The following SLF1 variants were observed in gnomAD, a reference collection of about 807,000 sequenced individuals.
SLF1 encodes SMC5/6 complex localization factor 1, also known as SMC5-SMC6 complex localization factor protein 1.
In SLF1, 105 loss-of-function variants were observed where a neutral mutation model predicts 123.0. That is an observed-to-expected ratio of 0.85 (90% CI 0.73 to 1.00). The LOEUF (loss-of-function observed/expected upper bound fraction) is 1.00. Among genes scored for constraint, SLF1 ranks in the 50% least tolerant of loss-of-function variants. The probability of loss-of-function intolerance (pLI) is 0.00; values close to 1 mark genes in which losing one functional copy is unlikely to be tolerated. For missense variants in SLF1, 1,239 were observed against 1,223.0 expected, an observed-to-expected ratio of 1.01 and a Z score of -0.20; for synonymous variants, 434 against 406.6, an observed-to-expected ratio of 1.07 and a Z score of -0.81.
Position 94,669,916 on chromosome 5 carries a change from A to G in SLF1, c.1533-235A>G, listed in dbSNP as rs1750245526. On this transcript the variant is annotated intron_variant, in intron 12 of 20. Transcript: ENST00000265140. Reference sequence around the variant, plus strand: ...TACCTGCTAGTCATTAAATATTATAATAACTTGAAAAATTGAGAAATTAGA... The same window carrying G: ...TACCTGCTAGTCATTAAATATTATAGTAACTTGAAAAATTGAGAAATTAGA... Among the ~76,000 whole-genome samples the G allele has an allele frequency of 1.3e-5, 2 of 152,100 alleles. 1 individual carries two copies. Among genetic ancestry groups the G allele is most frequent in the South Asian group, 4.1e-4 (2 of 4,830 alleles).
rs189542208 is a variant in SLF1 at position 94,625,134 on chromosome 5, A to G, written c.1-3677A>G. Among the ~76,000 whole-genome samples, 714 of 150,926 alleles carry G rather than the reference A, an allele frequency of 4.7e-3. 4 individuals carry two copies. Among genetic ancestry groups the G allele is most frequent in the African/African-American group, 0.017 (690 of 41,142 alleles). The stretch of plus-strand genomic sequence containing the variant: ...CGTGAACCCGGGAGGCGGAGCTTGC[A>G]GTGAGCTGAGATTGTGCCACTGTAC... On this transcript the variant is annotated intron_variant, in intron 1 of 20. Transcript: ENST00000265140.
chr5:94,625,788 T>C (rs910963571), intron 1 of SLF1, among the ~76,000 whole-genome samples: 2 of 152,184 alleles, frequency 1.3e-5, no homozygotes, highest in South Asian at 4.1e-4. Flanking sequence ...TGTTTTATAA[T>C]CCAAATGTGG....
At chr5:94,666,549 TTC>T (rs1365187552) in intron 12 of SLF1, among the ~76,000 whole-genome samples, 2 of 152,204 alleles carry the variant, frequency 1.3e-5, no homozygotes, top group Non-Finnish European at 2.9e-5. Flanking sequence ...TCTCCAGAAA[TTC>T]TGTTTCACCT....
At chr5:94,627,583 AACATATATATAT>A (rs1419018418) in intron 1 of SLF1, among the ~76,000 whole-genome samples, 2 of 62,830 alleles carry the variant, frequency 3.2e-5, no homozygotes, top group Non-Finnish European at 6.4e-5. Flanking sequence ...TGATGAAATT[AACATATATATAT>A]ATATATATAT....
At chr5:94,669,190 A>G (rs2152489499) in intron 12 of SLF1, among the ~76,000 whole-genome samples, 1 of 152,308 alleles carries the variant, frequency 6.6e-6, no homozygotes, top group South Asian at 2.1e-4. Flanking sequence ...TCCATAATGC[A>G]TAGAGAAACG....
In SLF1 at chr5:94,654,626, G is replaced by A; in HGVS notation, c.1033-4G>A. On this transcript the variant is annotated splice_polypyrimidine_tract_variant and splice_region_variant and intron_variant, in intron 8 of 20. Transcript: ENST00000265140. ...CTAAAGTCATTTTACTTTGCTATAT[G>A]CAGAAAGAAATGAAGAATTCTATTT... 6.5e-7 allele frequency: 1 copy of A among 1,531,484 alleles called. No individual in the cohort carries two copies. The allele number at this position is 1,531,484 out of a possible 1,614,324, so 94.9% of individuals were successfully genotyped here.
At chr5:94,634,849 T>C (rs572096207) in intron 4 of SLF1, among the ~76,000 whole-genome samples, 1 of 152,354 alleles carries the variant, frequency 6.6e-6, no homozygotes, top group Non-Finnish European at 1.5e-5. Flanking sequence ...GTTTATCTTG[T>C]TATGAGAAGT....
Position 94,678,410 on chromosome 5 carries a change from C to T in SLF1, c.1828-398C>T, listed in dbSNP as rs73773701. The stretch of plus-strand genomic sequence containing the variant: ...ATAAAGAGAAATGTAAAGAATAATT[C>T]TGTATATAAACAGTGGAGGTAGATA... On this transcript the variant is annotated intron_variant, in intron 14 of 20. Transcript: ENST00000265140. 926 of 153,558 alleles carry T rather than the reference C, an allele frequency of 6.0e-3. 12 individuals carry two copies. Among genetic ancestry groups the T allele is most frequent in the African/African-American group, 0.021 (875 of 41,566 alleles). The allele number at this position is 153,558 out of a possible 1,614,324, so 9.5% of individuals were successfully genotyped here. A position where few individuals can be genotyped will look rare whatever the true frequency, so the allele number is the denominator to read the frequency against.
At chr5:94,648,774 C>G (rs1419188592) in intron 5 of SLF1, among the ~76,000 whole-genome samples, 1 of 152,204 alleles carries the variant, frequency 6.6e-6, no homozygotes, top group Non-Finnish European at 1.5e-5. Flanking sequence ...GCCACCGTGC[C>G]CAGCCTGAAC....
At chr5:94,642,894 A>G (rs1746603240) in intron 4 of SLF1, among the ~76,000 whole-genome samples, 2 of 152,010 alleles carry the variant, frequency 1.3e-5, no homozygotes, top group South Asian at 4.2e-4. Flanking sequence ...CTGGTTCCAT[A>G]TTTTATGGTC....
At chr5:94,688,022 CTATCTTTAGATATTAA>C (rs6149120) in intron 16 of SLF1, among the ~76,000 whole-genome samples, 2,322 of 131,346 alleles carry the variant, frequency 0.018, 59 homozygotes, top group African/African-American at 0.058. Context: ...ATATTAATAT[CTATCTTTAGATATTAA>C]TATCTTTAGA....
chr5:94,689,413 T>G, intron 17 of SLF1, 60 bp from the exon 18 acceptor site: 1 of 1,534,418 alleles, frequency 6.5e-7, no homozygotes. Context: ...TACCATCTAA[T>G]GTATGCTGGC....
intron 14 of SLF1, among the ~76,000 whole-genome samples, chr5:94,674,601 G>A (rs1323078559): frequency 6.6e-6 from 1 of 152,132 alleles, no homozygotes; most frequent in East Asian, 1.9e-4. Context: ...GTACTGTAAA[G>A]CATTTGTTTC....
chr5:94,664,452 G>A (rs559919206), intron 11 of SLF1, among the ~76,000 whole-genome samples: 5 of 152,238 alleles, frequency 3.3e-5, no homozygotes, highest in African/African-American at 4.8e-5. Context: ...ATGCCACCAT[G>A]CCTGGCTAAT....
At position 94,678,971 on chromosome 5, in the gene SLF1, TTC is replaced by T. The variant is rs1247686217; in HGVS notation, c.1975+18_1975+19del. The T allele has an allele frequency of 1.9e-6, 3 of 1,608,724 alleles. No individual in the cohort carries two copies. The highest frequency in any genetic ancestry group is 2.2e-5 in the East Asian group (1 of 44,706). On this transcript the variant is annotated intron_variant, in intron 15 of 20. Coordinates refer to ENST00000265140, the MANE Select transcript of SLF1 (RefSeq NM_032290.4). ...TCGTGTGATGGTAAGTTTGTCTATGTTCTGTTTTTTTCAGACCCATTCTGGAA... is the reference window on the plus strand; with the variant it reads ...TCGTGTGATGGTAAGTTTGTCTATGTTGTTTTTTTCAGACCCATTCTGGAA...
chr5:94,626,454 T>C (rs1792255147), intron 1 of SLF1, among the ~76,000 whole-genome samples: 1 of 152,160 alleles, frequency 6.6e-6, no homozygotes, highest in Non-Finnish European at 1.5e-5. Context: ...ATTTATTTCA[T>C]TGGAGAGCCT....
intron 16 of SLF1, 29 bp downstream of exon 16, chr5:94,686,747 C>A: frequency 6.3e-7 from 1 of 1,577,424 alleles, no homozygotes; most frequent in Non-Finnish European, 8.6e-7. Flanking sequence ...TGGTTCTTTA[C>A]ATTTTCAAGA....
At chr5:94,638,765 G>T (rs759173398) in intron 4 of SLF1, among the ~76,000 whole-genome samples, 1 of 152,060 alleles carries the variant, frequency 6.6e-6, no homozygotes, top group East Asian at 1.9e-4. Flanking sequence ...GGTTTACGCC[G>T]GTATCCCAGG....
intron 9 of SLF1, among the ~76,000 whole-genome samples, chr5:94,656,349 C>G (rs952192442): frequency 6.6e-5 from 10 of 151,848 alleles, no homozygotes; most frequent in African/African-American, 2.4e-4. Context: ...TACACTTGAT[C>G]ATAGTGTACT....
Sources: allele counts gnomAD v4.1 joint callset (sites outside exome capture counted in the v4.1 genomes callset), GRCh38; gene constraint gnomAD v4.1.1; transcripts MANE v1.5; gene names NCBI Gene and HGNC (gene_info 2026-07-23, HGNC 2026-07-21).